DNMBP: variants seen among roughly 807,000 people sequenced by gnomAD.
DNMBP encodes the protein dynamin binding protein.
In DNMBP, 87 loss-of-function variants were observed where a neutral mutation model predicts 150.0. The ratio of observed to expected loss-of-function variants is 0.58; its 90% confidence interval spans 0.49 to 0.69. DNMBP has a LOEUF of 0.69. Among genes scored for constraint, DNMBP ranks in the 30% least tolerant of loss-of-function variants. The pLI is 0.00. For missense variants in DNMBP, 1,774 were observed against 1,949.0 expected, an observed-to-expected ratio of 0.91 and a Z score of 1.69; for synonymous variants, 711 against 750.4, an observed-to-expected ratio of 0.95 and a Z score of 0.86.
At chr10:99,986,900 A>C (rs551922391) in intron 1 of DNMBP, among the ~76,000 whole-genome samples, 1 of 152,302 alleles carries the variant, frequency 6.6e-6, no homozygotes, top group African/African-American at 2.4e-5. Context: ...CACACCTATA[A>C]TCCCAGCACT....
chr10:99,897,604 A>G (rs1413087188), intron 9 of DNMBP, among the ~76,000 whole-genome samples: 1 of 152,104 alleles, frequency 6.6e-6, no homozygotes, highest in African/African-American at 2.4e-5. Context: ...CCAATATACC[A>G]TACTTCCGCT....
chr10:99,989,260 A>G (rs1006943259), intron 1 of DNMBP, among the ~76,000 whole-genome samples: 1 of 152,194 alleles, frequency 6.6e-6, no homozygotes, highest in Non-Finnish European at 1.5e-5. Context: ...ACATTTTGGT[A>G]GGACTTGGAG....
At chr10:99,952,007 T>C (rs2040428634) in intron 4 of DNMBP, among the ~76,000 whole-genome samples, 1 of 152,040 alleles carries the variant, frequency 6.6e-6, no homozygotes, top group South Asian at 2.1e-4. Flanking sequence ...TGGGAGATAA[T>C]TGAATCATGG....
At chr10:99,913,566 G>A (rs181352913) in intron 4 of DNMBP, among the ~76,000 whole-genome samples, 1 of 152,170 alleles carries the variant, frequency 6.6e-6, no homozygotes, top group Admixed American at 6.5e-5. Flanking sequence ...AAAGGAGCTG[G>A]GACTGTTGCA....
At chr10:99,880,817 C>T (rs1039381712) in intron 15 of DNMBP, among the ~76,000 whole-genome samples, 8 of 152,180 alleles carry the variant, frequency 5.3e-5, no homozygotes, top group South Asian at 2.1e-4. Flanking sequence ...GAACCAGCCT[C>T]GGCAGCGCAC....
Position 99,880,152 on chromosome 10 carries a change from G to A in DNMBP, c.4207C>T (p.Pro1403Ser). 1 of 1,614,178 alleles carries A rather than the reference G, an allele frequency of 6.2e-7. No individual in the cohort carries two copies. The highest frequency in any genetic ancestry group is 8.5e-7 in the Non-Finnish European group (1 of 1,180,040). ...TTTGGCGGAGGAGATGCATCTTGAG[G>A]CTGCTTCTGGCAAGACCCCGAGGTA... is the stretch of plus-strand genomic sequence containing the variant. ...SFTSGSCQKQ[P>S]QDASPPPKEC... Residue 1403 changes from proline (P) to serine (S), a missense_variant, in exon 16 of 17, where the codon CCT becomes TCT. Around this residue, in one of 2 missense-constraint regions of DNMBP, gnomAD observed 1,430 missense variants for 1,492.5 expected, o/e 0.96. Coordinates refer to ENST00000324109, the MANE Select transcript of DNMBP (RefSeq NM_015221.4).
intron 4 of DNMBP, among the ~76,000 whole-genome samples, chr10:99,913,436 G>T (rs576083863): frequency 1.3e-5 from 2 of 152,022 alleles, no homozygotes; most frequent in Non-Finnish European, 2.9e-5. Flanking sequence ...AAATACACTT[G>T]GTAAAATGTA....
chr10:99,983,633 T>C (rs1054203684), intron 1 of DNMBP, among the ~76,000 whole-genome samples: 7 of 152,190 alleles, frequency 4.6e-5, no homozygotes, highest in Non-Finnish European at 8.8e-5. Flanking sequence ...AGCGGCCTCC[T>C]ACCCTGCGTG....
At chr10:99,996,407 C>A (rs1458886740) in intron 1 of DNMBP, among the ~76,000 whole-genome samples, 2 of 152,192 alleles carry the variant, frequency 1.3e-5, no homozygotes, top group South Asian at 2.1e-4. Context: ...GTAATCCCAG[C>A]TACTCAGGAG....
intron 4 of DNMBP, among the ~76,000 whole-genome samples, chr10:99,953,844 C>T (rs1431742333): frequency 9.9e-6 from 1 of 101,422 alleles, no homozygotes; most frequent in African/African-American, 4.4e-5. Context: ...GAAATCTACT[C>T]TCTGGACAGC....
Position 99,892,023 on chromosome 10 carries a change from C to T in DNMBP, c.3156+2923G>A, listed in dbSNP as rs1323811261. Among the ~76,000 whole-genome samples, 58 of 127,454 alleles carry T rather than the reference C, an allele frequency of 4.6e-4. 1 individual carries two copies. The highest frequency in any genetic ancestry group is 1.5e-3 in the East Asian group (7 of 4,692). 83.6% of individuals were successfully genotyped at this position (127,454 alleles called of 152,430 possible). A position where few individuals can be genotyped will look rare whatever the true frequency, so the allele number is the denominator to read the frequency against. On this transcript the variant is annotated intron_variant, in intron 11 of 16. Transcript: ENST00000324109. ...TGAGGAGCCCCTCTGCCCGGCCAGC[C>T]GCCCCGTCCGGGAGGGAGGTGGGGG...
chr10:100,006,447 GGT>G lies in DNMBP; in HGVS notation c.-11+3389_-11+3390del, dbSNP rs1182958347. On this transcript the variant is annotated intron_variant, in intron 1 of 16. Coordinates refer to ENST00000324109, the MANE Select transcript of DNMBP (RefSeq NM_015221.4). ...AAACGAAGACTCAGGGAAGAATTAT[GGT>G]GTGAGTCACACAGCTCTAGCTTGAA... Among the ~76,000 whole-genome samples, 3 of 152,116 alleles carry G rather than the reference GGT, an allele frequency of 2.0e-5. No individual in the cohort carries two copies. The East Asian group carries it at 5.8e-4, about 29-fold the overall frequency.
intron 4 of DNMBP, among the ~76,000 whole-genome samples, chr10:99,927,690 TA>T (rs1167709485): frequency 6.6e-6 from 1 of 152,124 alleles, no homozygotes; most frequent in Non-Finnish European, 1.5e-5. Flanking sequence ...AGAAGGATAT[TA>T]GGGGTACAAA....
At chr10:99,895,791 T>C (rs2039643596) in intron 10 of DNMBP, among the ~76,000 whole-genome samples, 1 of 152,194 alleles carries the variant, frequency 6.6e-6, no homozygotes. Flanking sequence ...ATACAAAACC[T>C]AACAATGGAC....
At chr10:100,008,317 T>C (rs1249271190) in intron 1 of DNMBP, among the ~76,000 whole-genome samples, 1 of 152,222 alleles carries the variant, frequency 6.6e-6, no homozygotes, top group Admixed American at 6.5e-5. Flanking sequence ...ATATGAACAC[T>C]GTATAAAAGT....
Position 99,876,839 on chromosome 10 carries a change from C to T in DNMBP, c.*312G>A, listed in dbSNP as rs1823669297. 1 of 264,092 alleles carries T rather than the reference C, an allele frequency of 3.8e-6. No homozygotes were observed. The highest frequency in any genetic ancestry group is 7.0e-6 in the Non-Finnish European group (1 of 141,990). The allele number at this position is 264,092 out of a possible 1,614,324, so 16.4% of individuals were successfully genotyped here. On this transcript the variant is annotated 3_prime_UTR_variant, in exon 17 of 17. Transcript: ENST00000324109. ...TTGCTAGAGCACAGCTTCCTGCATA[C>T]ATAGGACACTGGGCTTCTGACTGCA...
intron 1 of DNMBP, among the ~76,000 whole-genome samples, chr10:99,996,962 A>G (rs2040957702): frequency 6.6e-6 from 1 of 152,214 alleles, no homozygotes; most frequent in Admixed American, 6.5e-5. Context: ...ACATCTAGAC[A>G]CTGGTAGCAA....
intron 16 of DNMBP, 45 bp from the exon 17 acceptor site, chr10:99,877,381 G>A: frequency 6.6e-7 from 1 of 1,511,124 alleles, no homozygotes; most frequent in Non-Finnish European, 9.0e-7. Context: ...TGGGAGCAAT[G>A]CCATCCAACA....
At chr10:99,996,021 T>G (rs1415509756) in intron 1 of DNMBP, among the ~76,000 whole-genome samples, 1 of 152,260 alleles carries the variant, frequency 6.6e-6, no homozygotes, top group Non-Finnish European at 1.5e-5. Context: ...TGTGAACAGT[T>G]GTGAACATGA....
Sources: gnomAD v4.1 joint callset for allele counts (sites outside exome capture counted in the v4.1 genomes callset) on GRCh38, gnomAD v4.1.1 for gene constraint, gnomAD v4.1.1 regional missense constraint, MANE v1.5 for transcripts, NCBI Gene and HGNC (gene_info 2026-07-23, HGNC 2026-07-21) for gene names.